AUTS2: variants seen among roughly 807,000 people sequenced by gnomAD.
AUTS2 encodes autism susceptibility gene 2 protein.
In AUTS2, 17 loss-of-function variants were observed where a neutral mutation model predicts 112.4. The observed-to-expected ratio is 0.15, with a 90% CI of 0.10 to 0.23. The LOEUF (loss-of-function observed/expected upper bound fraction) is 0.23, where lower values mean the gene tolerates loss of function less well. Among genes scored for constraint, AUTS2 ranks in the 10% least tolerant of loss-of-function variants. The pLI is 1.00. For synonymous variants in AUTS2, 751 were observed against 702.7 expected (o/e 1.07, Z -1.09); for missense variants, 1,510 against 1,701.6 (o/e 0.89, Z 1.98).
chr7:69,639,585 T>G (rs1794709267), intron 1 of AUTS2, among the ~76,000 whole-genome samples: 1 of 152,222 alleles, frequency 6.6e-6, no homozygotes, highest in Admixed American at 6.5e-5. Context: ...AATTGAAGCA[T>G]GTGGTCTACC....
chr7:69,931,249 T>A (rs1474834102), intron 2 of AUTS2, among the ~76,000 whole-genome samples: 2 of 152,176 alleles, frequency 1.3e-5, no homozygotes, highest in African/African-American at 4.8e-5. Flanking sequence ...CCTGGCATAG[T>A]GGCACTCAAT....
chr7:70,045,878 G>T (rs1271056679), intron 2 of AUTS2, among the ~76,000 whole-genome samples: 2 of 149,172 alleles, frequency 1.3e-5, no homozygotes, highest in Non-Finnish European at 3.0e-5. Flanking sequence ...CGCCTGCCTC[G>T]GCCTCCCAAA....
At position 70,003,478 on chromosome 7, in the gene AUTS2, A is replaced by T. The variant is rs558959045; in HGVS notation, c.522+103980A>T. Among the ~76,000 whole-genome samples the T allele has an allele frequency of 8.8e-4, 67 of 76,266 alleles. 1 individual carries two copies. The highest frequency in any genetic ancestry group is 3.2e-3 in the East Asian group (7 of 2,208). The allele number at this position is 76,266 out of a possible 152,430, so 50.0% of individuals were successfully genotyped here. On this transcript the variant is annotated intron_variant, in intron 2 of 18. Transcript: ENST00000342771. ...AATATATATGAATATGTTATATATG[A>T]ATATATATAATATATATGAATATGT...
intron 2 of AUTS2, among the ~76,000 whole-genome samples, chr7:69,938,496 A>G (rs1028198070): frequency 6.6e-6 from 1 of 152,204 alleles, no homozygotes; most frequent in African/African-American, 2.4e-5. Flanking sequence ...TTTACATTTG[A>G]TGCATGATTG....
chr7:70,090,833 C>G (rs1450143995), intron 2 of AUTS2, among the ~76,000 whole-genome samples: 1 of 151,974 alleles, frequency 6.6e-6, no homozygotes, highest in Non-Finnish European at 1.5e-5. Context: ...TGTGCACCAC[C>G]ATGCCCGGCT....
At chr7:70,366,406 G>A (rs577818679) in intron 4 of AUTS2, among the ~76,000 whole-genome samples, 2 of 152,328 alleles carry the variant, frequency 1.3e-5, no homozygotes, top group Non-Finnish European at 2.9e-5. Context: ...GCTCCCCAGA[G>A]AGAGAGAAAG....
intron 5 of AUTS2, among the ~76,000 whole-genome samples, chr7:70,584,504 A>G (rs889114776): frequency 6.6e-6 from 1 of 152,216 alleles, no homozygotes; most frequent in Admixed American, 6.5e-5. Context: ...GTCAATTGCA[A>G]TTTGGGAGGG....
At chr7:70,396,128 T>C (rs1355367336) in intron 4 of AUTS2, among the ~76,000 whole-genome samples, 1 of 152,200 alleles carries the variant, frequency 6.6e-6, no homozygotes, top group Non-Finnish European at 1.5e-5. Flanking sequence ...TACCCACTCA[T>C]GACACCATCA....
intron 4 of AUTS2, among the ~76,000 whole-genome samples, chr7:70,411,749 T>G (rs1397045922): frequency 2.0e-5 from 3 of 152,112 alleles, no homozygotes; most frequent in Non-Finnish European, 1.5e-5. Context: ...TACTATGTGC[T>G]CACAGACCAT....
At chr7:70,396,160 T>C (rs537747098) in intron 4 of AUTS2, among the ~76,000 whole-genome samples, 7 of 152,270 alleles carry the variant, frequency 4.6e-5, no homozygotes, top group South Asian at 4.2e-4. Context: ...ATAATGAGCA[T>C]CTTCATTCAT....
intron 5 of AUTS2, among the ~76,000 whole-genome samples, chr7:70,451,966 C>A (rs1057444999): frequency 2.4e-4 from 37 of 152,094 alleles, no homozygotes; most frequent in African/African-American, 8.7e-4. Context: ...GGGAGTAAGA[C>A]AGCATGAGGC....
intron 2 of AUTS2, among the ~76,000 whole-genome samples, chr7:70,001,001 G>T (rs1036441608): frequency 3.9e-5 from 6 of 152,200 alleles, no homozygotes; most frequent in Non-Finnish European, 7.3e-5. Context: ...AAAAAGCCTG[G>T]TTGAATTAAG....
At chr7:70,240,926 G>A (rs549971967) in intron 4 of AUTS2, among the ~76,000 whole-genome samples, 2 of 152,194 alleles carry the variant, frequency 1.3e-5, no homozygotes, top group Non-Finnish European at 2.9e-5. Context: ...TATCCACTTC[G>A]GGTTTTGAAT....
At chr7:70,193,311 A>G (rs957059150) in intron 4 of AUTS2, among the ~76,000 whole-genome samples, 19 of 152,242 alleles carry the variant, frequency 1.2e-4, no homozygotes, top group Admixed American at 7.9e-4. Context: ...TTTTGAAGAC[A>G]CTAATGGGAA....
chr7:69,768,797 C>T (rs1451994870), intron 1 of AUTS2, among the ~76,000 whole-genome samples: 1 of 152,058 alleles, frequency 6.6e-6, no homozygotes, highest in Non-Finnish European at 1.5e-5. Flanking sequence ...GATGAAGTGG[C>T]CAGAGAAGAC....
intron 14 of AUTS2, among the ~76,000 whole-genome samples, chr7:70,778,891 TAAA>T: frequency 1.3e-5 from 2 of 152,308 alleles, no homozygotes; most frequent in South Asian, 4.1e-4. Context: ...CTTCTTTGGT[TAAA>T]AGAGATGAGG....
intron 1 of AUTS2, among the ~76,000 whole-genome samples, chr7:69,785,597 C>A (rs1230980422): frequency 6.6e-6 from 1 of 152,228 alleles, no homozygotes; most frequent in Non-Finnish European, 1.5e-5. Context: ...GGCTGTTTGA[C>A]CACATAACTC....
intron 1 of AUTS2, among the ~76,000 whole-genome samples, chr7:69,876,349 A>AATATATATATATAT (rs61416382): frequency 7.8e-4 from 23 of 29,486 alleles, no homozygotes; most frequent in East Asian, 1.6e-3. Context: ...AAAAAAAAAA[A>AATATATATATATAT]ATATATATAT....
At chr7:70,737,192 C>G (rs984750150) in intron 6 of AUTS2, among the ~76,000 whole-genome samples, 2 of 152,052 alleles carry the variant, frequency 1.3e-5, no homozygotes, top group Non-Finnish European at 1.5e-5. Flanking sequence ...GTAGTGCATG[C>G]AGGCTAATTA....
Sources: allele counts gnomAD v4.1 joint callset (sites outside exome capture counted in the v4.1 genomes callset), GRCh38; gene constraint gnomAD v4.1.1; transcripts MANE v1.5; gene names NCBI Gene and HGNC (gene_info 2026-07-23, HGNC 2026-07-21).